OCA2: variants seen among roughly 807,000 people sequenced by gnomAD.
OCA2 encodes the protein P protein.
Under a neutral mutation model 100.2 loss-of-function variants are expected in OCA2, and 77 were observed. That is an observed-to-expected ratio of 0.77 (90% CI 0.64 to 0.93). The LOEUF (loss-of-function observed/expected upper bound fraction) is 0.93. Among genes scored for constraint, OCA2 ranks in the 40% least tolerant of loss-of-function variants. OCA2 has a pLI of 0.00. For synonymous variants in OCA2, 432 were observed against 439.2 expected, an observed-to-expected ratio of 0.98 and a Z score of 0.21; for missense variants, 1,062 against 1,089.1, an observed-to-expected ratio of 0.98 and a Z score of 0.35.
intron 13 of OCA2, 143 bp downstream of exon 13, chr15:27,984,921 G>T: frequency 1.1e-6 from 1 of 936,182 alleles, no homozygotes; most frequent in Middle Eastern, 2.9e-4. Flanking sequence ...ACACGAGCTG[G>T]ACTGGAATGC....
At chr15:28,003,676 G>A (rs978584521) in intron 9 of OCA2, among the ~76,000 whole-genome samples, 2 of 152,190 alleles carry the variant, frequency 1.3e-5, no homozygotes, top group Non-Finnish European at 2.9e-5. Context: ...CTGAGCCCGA[G>A]GTGTGTCAAT....
intron 2 of OCA2, among the ~76,000 whole-genome samples, chr15:28,051,300 G>A (rs971903705): frequency 3.3e-5 from 5 of 152,108 alleles, no homozygotes; most frequent in Admixed American, 6.5e-5. Context: ...GTTTTGTTTT[G>A]TTTTGTTTTT....
chr15:28,037,798 C>T (rs1295466362), intron 2 of OCA2, among the ~76,000 whole-genome samples: 1 of 152,214 alleles, frequency 6.6e-6, no homozygotes, highest in Non-Finnish European at 1.5e-5. Context: ...GTGTCCAGCA[C>T]CTGATGCCAT....
chr15:27,830,225 C>T (rs1595480792), intron 23 of OCA2, among the ~76,000 whole-genome samples: 1 of 152,276 alleles, frequency 6.6e-6, no homozygotes, highest in South Asian at 2.1e-4. Context: ...CCAACATACT[C>T]AAAACCCCAC....
the OCA2 span, among the ~76,000 whole-genome samples, chr15:27,731,013 G>A: frequency 1.3e-4 from 20 of 151,786 alleles, no homozygotes; most frequent in African/African-American, 4.1e-4. Flanking sequence ...TCAAAGTTAA[G>A]TTTTCTATTA....
intron 15 of OCA2, among the ~76,000 whole-genome samples, chr15:27,963,621 C>T (rs1408087384): frequency 6.6e-6 from 1 of 151,752 alleles, no homozygotes; most frequent in African/African-American, 2.4e-5. Context: ...TAAAGTAATA[C>T]TTAGAAGGAA....
rs1056445680 is a variant in OCA2, at chr15:27,918,370, C to T, written c.2079+7757G>A. Among the ~76,000 whole-genome samples the T allele has an allele frequency of 5.3e-5, 8 of 151,998 alleles. No individual in the cohort carries two copies. In the South Asian group the frequency reaches 6.2e-4, roughly 12 times the overall value. On this transcript the variant is annotated intron_variant, in intron 19 of 23. Coordinates refer to ENST00000354638, the MANE Select transcript of OCA2 (RefSeq NM_000275.3). ...CAGGCGAGAGCCACTGTGTCCAGCA[C>T]CTCTTGAGTTTCAAGAAGATATAAG...
At position 28,081,704 on chromosome 15, in the gene OCA2, C is replaced by A; in HGVS notation, c.171G>T (p.Gly57=). The A allele has an allele frequency of 6.2e-7, 1 of 1,613,826 alleles. No individual in the cohort carries two copies. The highest frequency in any genetic ancestry group is 1.1e-5 in the South Asian group (1 of 91,074). ...PSHSCPRGAA[G]QSSWAPAGQE... is the part of the protein sequence containing the mutation. Reference sequence around the variant, plus strand: ...GGCCTGCAGGAGCCCAAGAGCTCTGCCCGGCAGCCCCCCTGGGGCAGGAGT... The same window carrying A: ...GGCCTGCAGGAGCCCAAGAGCTCTGACCGGCAGCCCCCCTGGGGCAGGAGT... The change falls in exon 2 of 24, where the codon GGG becomes GGT. Residue 57 remains glycine (G), a synonymous_variant. Coordinates refer to ENST00000354638, the MANE Select transcript of OCA2 (RefSeq NM_000275.3).
At chr15:27,938,543 T>C (rs568754905) in intron 18 of OCA2, among the ~76,000 whole-genome samples, 2 of 152,242 alleles carry the variant, frequency 1.3e-5, no homozygotes, top group East Asian at 3.9e-4. Context: ...GCCCTACAAA[T>C]ATGCCATTAG....
intron 2 of OCA2, among the ~76,000 whole-genome samples, chr15:28,068,486 G>T (rs1040689270): frequency 6.6e-6 from 1 of 152,184 alleles, no homozygotes; most frequent in Non-Finnish European, 1.5e-5. Context: ...GGGCCAGATG[G>T]ATTCATAGCC....
intron 19 of OCA2, among the ~76,000 whole-genome samples, chr15:27,924,740 G>A (rs1277764546): frequency 6.6e-6 from 1 of 152,138 alleles, no homozygotes; most frequent in African/African-American, 2.4e-5. Context: ...CAGTAAGAAA[G>A]CAGTAAAAGA....
At chr15:27,735,524 A>G in the OCA2 span, among the ~76,000 whole-genome samples, 3 of 152,312 alleles carry the variant, frequency 2.0e-5, no homozygotes, top group Admixed American at 1.3e-4. Context: ...AAGATCTCCA[A>G]TTAGATTCCA....
At chr15:27,776,026 CCTT>C (rs1166047517) in intron 23 of OCA2, among the ~76,000 whole-genome samples, 3 of 152,244 alleles carry the variant, frequency 2.0e-5, no homozygotes, top group Admixed American at 1.3e-4. Context: ...TCCTGGCCCA[CCTT>C]CTTGGGCACT....
intron 21 of OCA2, 147 bp downstream of exon 21, chr15:27,871,007 C>A: frequency 1.4e-6 from 1 of 713,168 alleles, no homozygotes; most frequent in Non-Finnish European, 2.5e-6. Flanking sequence ...CACCCAGCTG[C>A]CCTGGGCTCT....
chr15:27,796,987 G>A (rs1254978235), intron 23 of OCA2, among the ~76,000 whole-genome samples: 1 of 152,078 alleles, frequency 6.6e-6, no homozygotes, highest in Admixed American at 6.5e-5. Flanking sequence ...GGAACCAGGG[G>A]ATCACCCACT....
chr15:27,810,565 A>C (rs1315621879), intron 23 of OCA2, among the ~76,000 whole-genome samples: 1 of 151,496 alleles, frequency 6.6e-6, no homozygotes, highest in Admixed American at 6.6e-5. Context: ...TCAGAGTATT[A>C]ATAAAAATCA....
intron 1 of OCA2, among the ~76,000 whole-genome samples, chr15:28,094,092 TGATGG>T (rs1250179550): frequency 6.6e-6 from 1 of 152,182 alleles, no homozygotes; most frequent in Non-Finnish European, 1.5e-5. Context: ...CTCATGCAGA[TGATGG>T]AGCACTCCAA....
intron 19 of OCA2, among the ~76,000 whole-genome samples, chr15:27,894,264 G>A (rs1405747773): frequency 6.6e-6 from 1 of 152,164 alleles, no homozygotes; most frequent in African/African-American, 2.4e-5. Flanking sequence ...TATCTCTACT[G>A]TTCCATGTCC....
At chr15:27,897,189 CAAA>C (rs34697199) in intron 19 of OCA2, among the ~76,000 whole-genome samples, 9 of 131,298 alleles carry the variant, frequency 6.9e-5, no homozygotes, top group African/African-American at 8.0e-5. Flanking sequence ...GACTCCGTCT[CAAA>C]AAAAAAAAAA....
Sources: gnomAD v4.1 joint callset for allele counts (sites outside exome capture counted in the v4.1 genomes callset) on GRCh38, gnomAD v4.1.1 for gene constraint, MANE v1.5 for transcripts, NCBI Gene and HGNC (gene_info 2026-07-23, HGNC 2026-07-21) for gene names.